Variants in GRXCR1 observed in about 807,000 individuals in gnomAD.
GRXCR1 encodes glutaredoxin and cysteine rich domain containing 1.
In GRXCR1, 27 loss-of-function variants were observed where a neutral mutation model predicts 27.3. The ratio of observed to expected loss-of-function variants is 0.99; its 90% CI spans 0.73 to 1.37. GRXCR1 has a LOEUF of 1.37. Ranked by LOEUF, GRXCR1 falls within the 40% of genes most tolerant of loss-of-function variation. GRXCR1 has a pLI of 0.00. For missense variants in GRXCR1, 379 were observed against 354.4 expected (o/e 1.07, Z -0.56); for synonymous variants, 122 against 131.1 (o/e 0.93, Z 0.47).
chr4:42,931,245 C>T (rs1747298133), intron 1 of GRXCR1, among the ~76,000 whole-genome samples: 1 of 151,980 alleles, frequency 6.6e-6, no homozygotes, highest in Admixed American at 6.6e-5. Context: ...AATGTACAGT[C>T]AGTAAGTAAA....
chr4:42,930,265 G>A (rs1700344872), intron 1 of GRXCR1, among the ~76,000 whole-genome samples: 1 of 151,992 alleles, frequency 6.6e-6, no homozygotes, highest in Admixed American at 6.6e-5. Context: ...GCAACATTGT[G>A]CTAAAATTCC....
intron 2 of GRXCR1, among the ~76,000 whole-genome samples, chr4:42,968,974 G>A (rs1748315928): frequency 6.6e-6 from 1 of 152,038 alleles, no homozygotes; most frequent in Non-Finnish European, 1.5e-5. Context: ...GGTGATCAAA[G>A]CTCATTTTGA....
chr4:42,963,041 T>A lies in GRXCR1; in HGVS notation c.534T>A (p.Asn178Lys), dbSNP rs1347717078. The A allele has an allele frequency of 6.2e-7, 1 of 1,612,708 alleles. No individual in the cohort carries two copies. The highest frequency in any genetic ancestry group is 8.5e-7 in the Non-Finnish European group (1 of 1,179,098). ...VKFEEKNIAL[N>K]GEYGKELDER... Reference sequence around the variant, plus strand: ...TTGAAGAGAAAAACATAGCCCTGAATGGTGAATATGGAAAAGAGTTAGACG... The same window carrying A: ...TTGAAGAGAAAAACATAGCCCTGAAAGGTGAATATGGAAAAGAGTTAGACG... The change falls in exon 2 of 4, where the codon AAT becomes AAA. Residue 178 changes from asparagine (N) to lysine (K), a missense_variant. Coordinates refer to ENST00000399770, the MANE Select transcript of GRXCR1 (RefSeq NM_001080476.3).
chr4:42,949,610 A>G (rs1747832719), intron 1 of GRXCR1, among the ~76,000 whole-genome samples: 1 of 152,134 alleles, frequency 6.6e-6, no homozygotes, highest in South Asian at 2.1e-4. Flanking sequence ...AGATAATAAC[A>G]GTACCTACCT....
At chr4:42,931,695 G>A (rs1747309431) in intron 1 of GRXCR1, among the ~76,000 whole-genome samples, 1 of 151,802 alleles carries the variant, frequency 6.6e-6, no homozygotes, top group Admixed American at 6.6e-5. Flanking sequence ...ATTAAGATAT[G>A]TACTCCCTCA....
Position 42,987,436 on chromosome 4 carries a change from T to C in GRXCR1, c.627+24302T>C, listed in dbSNP as rs571270364. Among the ~76,000 whole-genome samples, 48 of 151,200 alleles carry C rather than the reference T, an allele frequency of 3.2e-4. No homozygotes were observed. In the East Asian group the frequency reaches 9.4e-3, roughly 30 times the overall value. On this transcript the variant is annotated intron_variant, in intron 2 of 3. Transcript: ENST00000399770. ...TAGCTAGGACCACAAAAGTGTGCAT[T>C]ACCATGCTCAGCTAATTTTATTTTT...
At chr4:43,015,557 C>A (rs1712905430) in intron 2 of GRXCR1, among the ~76,000 whole-genome samples, 1 of 152,050 alleles carries the variant, frequency 6.6e-6, no homozygotes, top group African/African-American at 2.4e-5. Context: ...ATTGTTTAGA[C>A]TACTGTGCTT....
intron 2 of GRXCR1, among the ~76,000 whole-genome samples, chr4:42,979,891 G>T (rs1196799997): frequency 6.6e-6 from 1 of 151,626 alleles, no homozygotes; most frequent in African/African-American, 2.4e-5. Context: ...TTCAATCTTT[G>T]CAAGTTGTAT....
chr4:42,980,120 A>T (rs1319836400), intron 2 of GRXCR1, among the ~76,000 whole-genome samples: 2 of 150,746 alleles, frequency 1.3e-5, no homozygotes, highest in African/African-American at 4.9e-5. Context: ...TTGTTGATTT[A>T]TTTTTGTCTC....
intron 2 of GRXCR1, among the ~76,000 whole-genome samples, chr4:43,012,330 G>A (rs1179167985): frequency 1.3e-5 from 2 of 152,098 alleles, no homozygotes; most frequent in Non-Finnish European, 2.9e-5. Context: ...CATAAAATTA[G>A]GTCTTTCTTC....
intron 3 of GRXCR1, among the ~76,000 whole-genome samples, chr4:43,026,312 A>G (rs1279765619): frequency 1.3e-5 from 2 of 152,202 alleles, no homozygotes; most frequent in Non-Finnish European, 2.9e-5. Flanking sequence ...CCAGACTTCC[A>G]GTATAACAAA....
At chr4:42,962,824 T>A in intron 1 of GRXCR1, 68 bp from the exon 2 acceptor site, 1 of 1,584,088 alleles carries the variant, frequency 6.3e-7, no homozygotes. Context: ...AATTTTTAAT[T>A]GTCTTAAAAT....
intron 1 of GRXCR1, among the ~76,000 whole-genome samples, chr4:42,904,366 A>G (rs1746536774): frequency 6.6e-6 from 1 of 152,168 alleles, no homozygotes; most frequent in Non-Finnish European, 1.5e-5. Context: ...GAGAAAACCT[A>G]AGTTCTAGAA....
At chr4:42,894,425 A>T (rs746698567) in intron 1 of GRXCR1, among the ~76,000 whole-genome samples, 4 of 152,138 alleles carry the variant, frequency 2.6e-5, no homozygotes, top group Non-Finnish European at 5.9e-5. Flanking sequence ...AACAGATATC[A>T]TTATGTCGGG....
intron 1 of GRXCR1, among the ~76,000 whole-genome samples, chr4:42,895,812 C>T (rs1017792617): frequency 2.6e-5 from 4 of 152,038 alleles, no homozygotes; most frequent in African/African-American, 9.7e-5. Context: ...CAGAGAAGCC[C>T]CAGGGGCTAG....
intron 1 of GRXCR1, among the ~76,000 whole-genome samples, chr4:42,923,841 C>T (rs908318629): frequency 1.3e-5 from 2 of 152,036 alleles, no homozygotes; most frequent in African/African-American, 4.8e-5. Flanking sequence ...TGCATAGCTT[C>T]CGGGGTGGTA....
Position 42,981,341 on chromosome 4 carries a change from G to GC in GRXCR1, c.627+18214dup, listed in dbSNP as rs200165133. Reference sequence around the variant, plus strand: ...CCTCTCCAATTTTACTCCACAATGTGCCCCCCCATATTTTGAATTTTTGAT... The same window carrying GC: ...CCTCTCCAATTTTACTCCACAATGTGCCCCCCCCATATTTTGAATTTTTGAT... On this transcript the variant is annotated intron_variant, in intron 2 of 3. Transcript: ENST00000399770. Among the ~76,000 whole-genome samples, 149 of 151,632 alleles carry GC rather than the reference G, an allele frequency of 9.8e-4. 1 individual carries two copies. The highest frequency in any genetic ancestry group is 2.4e-3 in the African/African-American group (100 of 41,350).
chr4:43,020,782 G>T (rs1457521268), intron 3 of GRXCR1, among the ~76,000 whole-genome samples: 3 of 152,128 alleles, frequency 2.0e-5, no homozygotes, highest in Non-Finnish European at 4.4e-5. Flanking sequence ...ACATATAGAA[G>T]AGCTTACTAC....
intron 1 of GRXCR1, among the ~76,000 whole-genome samples, chr4:42,917,519 T>C (rs906667296): frequency 5.3e-5 from 8 of 152,166 alleles, no homozygotes; most frequent in African/African-American, 1.9e-4. Flanking sequence ...CAGCGACTCA[T>C]GACTTTATGA....
Sources: allele counts gnomAD v4.1 joint callset (sites outside exome capture counted in the v4.1 genomes callset), GRCh38; gene constraint gnomAD v4.1.1; transcripts MANE v1.5; gene names NCBI Gene and HGNC (gene_info 2026-07-23, HGNC 2026-07-21).